The following NOMO1 variants were observed in gnomAD, a reference collection of about 807,000 sequenced individuals.
NOMO1 encodes NODAL modulator 1.
In NOMO1, 40 loss-of-function variants were observed where a neutral mutation model predicts 133.8. The observed-to-expected ratio is 0.30, with a 90% CI of 0.23 to 0.39. The LOEUF is 0.39. Among genes scored for constraint, NOMO1 ranks in the 10% least tolerant of loss-of-function variants. The pLI is 1.00. For missense variants in NOMO1, 462 were observed against 1,419.9 expected (o/e 0.33, Z 10.84); for synonymous variants, 236 against 570.5 (o/e 0.41, Z 8.36).
chr16:14,886,256 A>G (rs1314620275), intron 27 of NOMO1, among the ~76,000 whole-genome samples: 1 of 146,202 alleles, frequency 6.8e-6, no homozygotes, highest in Non-Finnish European at 1.5e-5. Context: ...AGGTGACATC[A>G]TATGATGAGG....
chr16:14,887,888 CT>C (rs1964350466), intron 28 of NOMO1, among the ~76,000 whole-genome samples: 1 of 150,968 alleles, frequency 6.6e-6, no homozygotes, highest in African/African-American at 2.4e-5. Flanking sequence ...TTCTCTCTGT[CT>C]TTGATAATCT....
intron 26 of NOMO1, among the ~76,000 whole-genome samples, chr16:14,883,592 A>G (rs571874088): frequency 1.3e-5 from 2 of 151,832 alleles, no homozygotes; most frequent in East Asian, 1.9e-4. Context: ...TCGGCCTCCC[A>G]AAGTGCTGGG....
At chr16:14,842,778 G>T (rs1369217533) in intron 3 of NOMO1, among the ~76,000 whole-genome samples, 1 of 150,260 alleles carries the variant, frequency 6.7e-6, no homozygotes, top group Non-Finnish European at 1.5e-5. Context: ...ATGCTATCAT[G>T]CAGGGAACTT....
intron 6 of NOMO1, among the ~76,000 whole-genome samples, chr16:14,850,316 C>T (rs990631337): frequency 2.3e-4 from 35 of 151,808 alleles, no homozygotes; most frequent in African/African-American, 2.7e-4. Flanking sequence ...GAATAGCAGA[C>T]GCTGTTCAAA....
intron 11 of NOMO1, 114 bp from the exon 12 acceptor site, chr16:14,862,899 T>G: frequency 7.5e-7 from 1 of 1,333,218 alleles, no homozygotes; most frequent in Non-Finnish European, 1.0e-6. Context: ...TCATTAAGAT[T>G]AGACTATTCT....
intron 2 of NOMO1, among the ~76,000 whole-genome samples, chr16:14,840,596 A>T (rs990918602): frequency 2.0e-5 from 3 of 150,864 alleles, no homozygotes; most frequent in Admixed American, 1.3e-4. Context: ...CAAAAAAAAA[A>T]AACTAAAACA....
intron 10 of NOMO1, 32 bp downstream of exon 10, chr16:14,857,354 C>T: frequency 1.3e-6 from 2 of 1,497,166 alleles, no homozygotes; most frequent in Non-Finnish European, 9.1e-7. Flanking sequence ...AGGCTGATGG[C>T]CAGCGCTCTT....
intron 1 of NOMO1, among the ~76,000 whole-genome samples, chr16:14,836,110 C>G (rs941761961): frequency 2.0e-5 from 3 of 152,062 alleles, no homozygotes; most frequent in Admixed American, 6.6e-5. Context: ...TTTAGGCTGC[C>G]ACACTTGGCT....
At chr16:14,839,056 T>G (rs573478168) in intron 2 of NOMO1, among the ~76,000 whole-genome samples, 38 of 151,952 alleles carry the variant, frequency 2.5e-4, no homozygotes, top group Admixed American at 3.9e-4. Context: ...TTTTGTTGTT[T>G]TTTTTTTTCT....
At chr16:14,846,537 T>C (rs1457459522) in intron 4 of NOMO1, 40 bp from the exon 5 acceptor site, 3 of 639,760 alleles carry the variant, frequency 4.7e-6, no homozygotes, top group Non-Finnish European at 8.1e-6. Flanking sequence ...GAGAGGAGGG[T>C]GCTTTGCTGG....
At chr16:14,850,352 G>A (rs1359959842) in intron 6 of NOMO1, among the ~76,000 whole-genome samples, 1 of 151,914 alleles carries the variant, frequency 6.6e-6, no homozygotes, top group Non-Finnish European at 1.5e-5. Flanking sequence ...AGAGAAAGAG[G>A]GAGGAGGGGG....
chr16:14,845,220 C>T (rs2606850), intron 4 of NOMO1, among the ~76,000 whole-genome samples: 2 of 151,896 alleles, frequency 1.3e-5, no homozygotes, highest in East Asian at 1.9e-4. Context: ...GTATTTTCAG[C>T]AGAGATGGGC....
At chr16:14,856,199 G>C (rs953148068) in intron 9 of NOMO1, among the ~76,000 whole-genome samples, 1 of 151,852 alleles carries the variant, frequency 6.6e-6, no homozygotes. Flanking sequence ...CTAAGAAATC[G>C]AACGAGGACA....
At chr16:14,875,973 C>T (rs1567545916) in intron 20 of NOMO1, among the ~76,000 whole-genome samples, 1 of 148,972 alleles carries the variant, frequency 6.7e-6, no homozygotes, top group African/African-American at 2.5e-5. Context: ...TGTTGAAGAG[C>T]GTGACTTCTA....
chr16:14,882,505 A>C, intron 25 of NOMO1, 89 bp from the exon 26 acceptor site: 1 of 1,570,332 alleles, frequency 6.4e-7, no homozygotes, highest in Non-Finnish European at 8.7e-7. Flanking sequence ...CTCCTGTCTT[A>C]ATGATCTCGT....
At chr16:14,867,481 T>C (rs372639527) in intron 15 of NOMO1, among the ~76,000 whole-genome samples, 657 of 39,350 alleles carry the variant, frequency 0.017, 9 homozygotes, top group East Asian at 0.033. Flanking sequence ...GGATTACAGG[T>C]GTGAGCCATT....
At chr16:14,835,427 A>G (rs1284356154) in intron 1 of NOMO1, among the ~76,000 whole-genome samples, 1 of 150,974 alleles carries the variant, frequency 6.6e-6, no homozygotes, top group African/African-American at 2.5e-5. Context: ...GGCACAGGGC[A>G]TTTCAGAAGC....
At chr16:14,862,464 G>C (rs1963934498) in intron 11 of NOMO1, 1 of 156,602 alleles carries the variant, frequency 6.4e-6, no homozygotes, top group Admixed American at 6.1e-5. Context: ...TTTTAGCTTT[G>C]CATTTTTTAA....
chr16:14,866,738 G>T, intron 15 of NOMO1, 47 bp downstream of exon 15: 1 of 1,609,834 alleles, frequency 6.2e-7, no homozygotes, highest in Non-Finnish European at 8.5e-7. Flanking sequence ...CGCTCGCCTT[G>T]TGGATGTCAA....
Sources: gnomAD v4.1 joint callset for allele counts (sites outside exome capture counted in the v4.1 genomes callset) on GRCh38, gnomAD v4.1.1 for gene constraint, MANE v1.5 for transcripts, NCBI Gene and HGNC (gene_info 2026-07-23, HGNC 2026-07-21) for gene names.